PHACTR3: variants seen among roughly 807,000 people sequenced by gnomAD.
PHACTR3 encodes phosphatase and actin regulator 3, also known as protein phosphatase 1, regulatory subunit 123.
Under a neutral mutation model 66.8 loss-of-function variants are expected in PHACTR3, and 16 were observed. That is an observed-to-expected ratio of 0.24 (90% confidence interval 0.16 to 0.36). PHACTR3 has a LOEUF of 0.36. PHACTR3 is among the 10% of genes least tolerant of loss of function. PHACTR3 has a pLI of 1.00. For missense variants in PHACTR3, 647 were observed against 719.9 expected, an observed-to-expected ratio of 0.90 and a Z score of 1.16; for synonymous variants, 323 against 292.1, an observed-to-expected ratio of 1.11 and a Z score of -1.08.
chr20:59,636,425 C>G (rs1017824044), intron 1 of PHACTR3, among the ~76,000 whole-genome samples: 5 of 152,200 alleles, frequency 3.3e-5, no homozygotes, highest in African/African-American at 7.2e-5. Flanking sequence ...TGAGAACTCT[C>G]TCAAGTCCTG....
At position 59,664,524 on chromosome 20, in the gene PHACTR3, T is replaced by C. The variant is rs73303109; in HGVS notation, c.118+59392T>C. ...GACCCTGTCTGGGTCCCCAGGATCA[T>C]GCTTGGCTTCACTCCCCATTGGACC... On this transcript the variant is annotated intron_variant, in intron 1 of 12. Coordinates refer to ENST00000371015, the MANE Select transcript of PHACTR3 (RefSeq NM_080672.5). 1.6e-3 allele frequency among the ~76,000 whole-genome samples: 246 copies of C among 152,326 alleles called. 1 individual carries two copies. Among genetic ancestry groups the C allele is most frequent in the African/African-American group, 5.3e-3 (222 of 41,574 alleles).
At chr20:59,749,490 C>T (rs547655938) in intron 3 of PHACTR3, among the ~76,000 whole-genome samples, 83 of 152,270 alleles carry the variant, frequency 5.5e-4, no homozygotes, top group Non-Finnish European at 1.0e-3. Flanking sequence ...TGCTTGGCCG[C>T]GGCCAGGCTG....
chr20:59,729,680 G>T (rs192600103), intron 1 of PHACTR3, among the ~76,000 whole-genome samples: 3 of 152,130 alleles, frequency 2.0e-5, no homozygotes, highest in Admixed American at 2.0e-4. Flanking sequence ...GCTGTCAGCT[G>T]CTCCCGGAAA....
intron 1 of PHACTR3, among the ~76,000 whole-genome samples, chr20:59,669,028 G>A (rs1488263499): frequency 1.3e-5 from 2 of 152,126 alleles, no homozygotes; most frequent in East Asian, 3.8e-4. Context: ...GATTACAGGT[G>A]TGAACCACTG....
intron 1 of PHACTR3, among the ~76,000 whole-genome samples, chr20:59,741,764 T>C (rs1039601354): frequency 4.0e-5 from 6 of 151,584 alleles, no homozygotes; most frequent in African/African-American, 1.5e-4. Context: ...CTTTTTTTTT[T>C]TTTTTCTTCT....
intron 1 of PHACTR3, among the ~76,000 whole-genome samples, chr20:59,658,953 CTTTT>C (rs764286425): frequency 7.6e-6 from 1 of 131,252 alleles, no homozygotes; most frequent in East Asian, 2.2e-4. Flanking sequence ...GCTTACTTGT[CTTTT>C]TTTTTTTTTT....
chr20:59,652,609 A>G (rs1302385002), intron 1 of PHACTR3, among the ~76,000 whole-genome samples: 1 of 152,068 alleles, frequency 6.6e-6, no homozygotes, highest in East Asian at 1.9e-4. Flanking sequence ...CTACTCTATA[A>G]TTTCCATTAG....
In PHACTR3 at chr20:59,783,694, A is replaced by G. The variant is rs566073955; in HGVS notation, c.1174+9204A>G. On this transcript the variant is annotated intron_variant, in intron 7 of 12. Coordinates refer to ENST00000371015, the MANE Select transcript of PHACTR3 (RefSeq NM_080672.5). ...TACTGTTCGTCCAATGCGTAAGCAC[A>G]TCATAGGTGCCAGGCACTGCCCTGG... Among the ~76,000 whole-genome samples the G allele has an allele frequency of 1.8e-4, 28 of 152,324 alleles. No individual in the cohort carries two copies. In the South Asian group the frequency reaches 5.0e-3, roughly 27 times the overall value.
At chr20:59,733,273 TA>T (rs2038834644) in intron 1 of PHACTR3, among the ~76,000 whole-genome samples, 2 of 152,124 alleles carry the variant, frequency 1.3e-5, no homozygotes, top group Non-Finnish European at 2.9e-5. Flanking sequence ...AGGAATTTTC[TA>T]GGGGTGGAGG....
intron 7 of PHACTR3, among the ~76,000 whole-genome samples, chr20:59,796,749 G>C (rs1247120134): frequency 6.6e-6 from 1 of 152,108 alleles, no homozygotes; most frequent in Non-Finnish European, 1.5e-5. Flanking sequence ...ATGTGACTTT[G>C]TTATTTTTAT....
At chr20:59,649,979 T>A (rs2035408013) in intron 1 of PHACTR3, among the ~76,000 whole-genome samples, 1 of 152,188 alleles carries the variant, frequency 6.6e-6, no homozygotes, top group Admixed American at 6.5e-5. Context: ...GCTGGAAGAA[T>A]TTCTTTTGGC....
chr20:59,837,144 A>G (rs938006946), intron 9 of PHACTR3, among the ~76,000 whole-genome samples: 1 of 152,232 alleles, frequency 6.6e-6, no homozygotes, highest in Non-Finnish European at 1.5e-5. Context: ...ACTATATTCC[A>G]TTAAATATTC....
At chr20:59,618,029 G>A (rs1480465751) in intron 1 of PHACTR3, among the ~76,000 whole-genome samples, 1 of 152,214 alleles carries the variant, frequency 6.6e-6, no homozygotes, top group African/African-American at 2.4e-5. Context: ...GGAGGGGTTG[G>A]CATATCTGGG....
rs184677622 is a variant in PHACTR3 at position 59,745,179 on chromosome 20, G to A, written c.280+1911G>A. Among the ~76,000 whole-genome samples the A allele has an allele frequency of 3.2e-4, 48 of 152,336 alleles. No individual in the cohort carries two copies. The East Asian group carries it at 5.6e-3, about 18-fold the overall frequency. ...ATTGAGAAAGGCAGGGAAGAGCATG[G>A]CAGCAGTGGGAACAGCCCTCGAAAA... is the stretch of plus-strand genomic sequence containing the variant. On this transcript the variant is annotated intron_variant, in intron 2 of 12. Coordinates refer to ENST00000371015, the MANE Select transcript of PHACTR3 (RefSeq NM_080672.5).
chr20:59,698,457 C>T (rs1488961881), intron 1 of PHACTR3, among the ~76,000 whole-genome samples: 1 of 152,000 alleles, frequency 6.6e-6, no homozygotes, highest in African/African-American at 2.4e-5. Context: ...TCACCTTTAT[C>T]AGGAATGCTT....
intron 1 of PHACTR3, among the ~76,000 whole-genome samples, chr20:59,689,241 G>A (rs1407734262): frequency 6.6e-6 from 1 of 152,226 alleles, no homozygotes; most frequent in Non-Finnish European, 1.5e-5. Flanking sequence ...AGCCCTTGGT[G>A]GGGCGGCCTT....
intron 1 of PHACTR3, among the ~76,000 whole-genome samples, chr20:59,612,570 G>T (rs1245839745): frequency 6.6e-6 from 1 of 152,130 alleles, no homozygotes; most frequent in Non-Finnish European, 1.5e-5. Flanking sequence ...GCATTTAGTA[G>T]AGATGGGGAT....
At chr20:59,706,205 C>G (rs905436585) in intron 1 of PHACTR3, among the ~76,000 whole-genome samples, 8 of 152,178 alleles carry the variant, frequency 5.3e-5, no homozygotes, top group African/African-American at 1.9e-4. Flanking sequence ...CCTGTAGTAT[C>G]TGGATTTCTG....
At chr20:59,665,102 C>T (rs1187776776) in intron 1 of PHACTR3, among the ~76,000 whole-genome samples, 1 of 152,210 alleles carries the variant, frequency 6.6e-6, no homozygotes. Context: ...AAACTACAGG[C>T]ATAAGCAGTC....
Sources: gnomAD v4.1 joint callset for allele counts (sites outside exome capture counted in the v4.1 genomes callset) on GRCh38, gnomAD v4.1.1 for gene constraint, MANE v1.5 for transcripts, NCBI Gene and HGNC (gene_info 2026-07-23, HGNC 2026-07-21) for gene names.